GMDS: variants seen among roughly 807,000 people sequenced by gnomAD.
GMDS encodes GDP-mannose 4,6-dehydratase, also known as GDP-mannose 4,6 dehydratase.
In GMDS, 20 loss-of-function variants were observed where a neutral mutation model predicts 49.9. The observed-to-expected ratio is 0.40, with a 90% confidence interval of 0.28 to 0.58. The LOEUF (loss-of-function observed/expected upper bound fraction) is 0.58. Ranked by LOEUF, GMDS falls within the 20% of genes least tolerant of loss-of-function variation. The pLI is 0.42. For synonymous variants in GMDS, 177 were observed against 178.6 expected (o/e 0.99, Z 0.07); for missense variants, 362 against 481.4 (o/e 0.75, Z 2.32).
At chr6:1,875,851 C>A (rs755724166) in intron 7 of GMDS, among the ~76,000 whole-genome samples, 4 of 151,700 alleles carry the variant, frequency 2.6e-5, no homozygotes, top group Non-Finnish European at 5.9e-5. Context: ...CATGGAGAAA[C>A]CCCGTTTCTA....
chr6:2,198,831 T>C (rs575153321), intron 1 of GMDS, among the ~76,000 whole-genome samples: 1 of 152,314 alleles, frequency 6.6e-6, no homozygotes, highest in East Asian at 1.9e-4. Flanking sequence ...AGAAGAATTA[T>C]ACTAGTCTAT....
At chr6:1,827,124 G>A (rs1384292114) in intron 7 of GMDS, among the ~76,000 whole-genome samples, 1 of 142,696 alleles carries the variant, frequency 7.0e-6, no homozygotes, top group Non-Finnish European at 1.5e-5. Flanking sequence ...GTGTGTGTAT[G>A]TGTATCCAGG....
chr6:1,788,543 G>T (rs1769408294), intron 7 of GMDS, among the ~76,000 whole-genome samples: 1 of 152,142 alleles, frequency 6.6e-6, no homozygotes, highest in Non-Finnish European at 1.5e-5. Context: ...ACTAGCAATG[G>T]AAGGGGAACA....
intron 1 of GMDS, among the ~76,000 whole-genome samples, chr6:2,155,550 A>G (rs1777072346): frequency 6.6e-6 from 1 of 152,172 alleles, no homozygotes; most frequent in Admixed American, 6.5e-5. Context: ...ACAGATCAAC[A>G]TTTCAACCTA....
At chr6:2,140,859 T>A (rs1776248508) in intron 1 of GMDS, among the ~76,000 whole-genome samples, 1 of 152,192 alleles carries the variant, frequency 6.6e-6, no homozygotes, top group African/African-American at 2.4e-5. Context: ...AGTAGCAGAA[T>A]GCATTGCTTT....
chr6:1,863,624 C>T (rs1048167155), intron 7 of GMDS, among the ~76,000 whole-genome samples: 15 of 152,146 alleles, frequency 9.9e-5, no homozygotes, highest in Non-Finnish European at 4.4e-5. Context: ...GTCCCACAAG[C>T]TTCTTTTAAG....
At chr6:1,850,062 C>G (rs1408529886) in intron 7 of GMDS, among the ~76,000 whole-genome samples, 1 of 152,160 alleles carries the variant, frequency 6.6e-6, no homozygotes, top group Non-Finnish European at 1.5e-5. Context: ...ATATCAGAGA[C>G]ACCTTATTTT....
intron 1 of GMDS, among the ~76,000 whole-genome samples, chr6:2,164,653 A>G (rs1242558642): frequency 6.6e-6 from 1 of 152,114 alleles, no homozygotes; most frequent in Non-Finnish European, 1.5e-5. Context: ...TTCCTTCCCA[A>G]TCAATGCCTT....
At chr6:1,924,228 A>G (rs1761877855) in intron 7 of GMDS, among the ~76,000 whole-genome samples, 1 of 152,220 alleles carries the variant, frequency 6.6e-6, no homozygotes, top group South Asian at 2.1e-4. Context: ...TTTTGTTATG[A>G]TTCAGTCTGT....
At chr6:2,131,010 A>T (rs962259446) in intron 1 of GMDS, among the ~76,000 whole-genome samples, 5 of 152,238 alleles carry the variant, frequency 3.3e-5, no homozygotes, top group Non-Finnish European at 7.4e-5. Context: ...TGTTCTTGGA[A>T]GTATCAAGAA....
At chr6:1,871,122 A>G (rs754061792) in intron 7 of GMDS, among the ~76,000 whole-genome samples, 1 of 151,760 alleles carries the variant, frequency 6.6e-6, no homozygotes, top group Non-Finnish European at 1.5e-5. Context: ...AACATCCACA[A>G]GGAGAGTTAA....
At chr6:2,021,759 C>T (rs956256646) in intron 4 of GMDS, among the ~76,000 whole-genome samples, 8 of 152,144 alleles carry the variant, frequency 5.3e-5, no homozygotes, top group African/African-American at 1.9e-4. Flanking sequence ...TGACTCTCCA[C>T]CACACCACAC....
chr6:2,222,810 G>C (rs1469209685), intron 1 of GMDS, among the ~76,000 whole-genome samples: 1 of 152,106 alleles, frequency 6.6e-6, no homozygotes, highest in Non-Finnish European at 1.5e-5. Context: ...TGCTAACTAG[G>C]ATATGCCAAC....
chr6:2,070,156 A>C (rs549499139), intron 4 of GMDS, among the ~76,000 whole-genome samples: 1 of 151,516 alleles, frequency 6.6e-6, no homozygotes, highest in Non-Finnish European at 1.5e-5. Flanking sequence ...TTCTCAGTAA[A>C]CTATCGCAAG....
At chr6:2,028,926 G>A (rs975935722) in intron 4 of GMDS, among the ~76,000 whole-genome samples, 4 of 151,840 alleles carry the variant, frequency 2.6e-5, no homozygotes, top group African/African-American at 9.7e-5. Context: ...TGGGAGCAAA[G>A]CATACTTTAG....
At chr6:1,650,895 T>C (rs1270089194) in intron 9 of GMDS, among the ~76,000 whole-genome samples, 1 of 152,198 alleles carries the variant, frequency 6.6e-6, no homozygotes, top group Non-Finnish European at 1.5e-5. Context: ...TCTATTCTCA[T>C]CCTCTGACTC....
At chr6:2,093,794 A>G (rs1242554836) in intron 4 of GMDS, among the ~76,000 whole-genome samples, 1 of 152,152 alleles carries the variant, frequency 6.6e-6, no homozygotes, top group Non-Finnish European at 1.5e-5. Flanking sequence ...AAAAAAAGAA[A>G]AAAACATAGG....
At chr6:2,202,663 G>A (rs559220503) in intron 1 of GMDS, among the ~76,000 whole-genome samples, 1 of 152,060 alleles carries the variant, frequency 6.6e-6, no homozygotes, top group South Asian at 2.1e-4. Context: ...CCTATGTCCT[G>A]GCAAGGGAAG....
intron 1 of GMDS, among the ~76,000 whole-genome samples, chr6:2,127,132 A>G (rs1775494626): frequency 6.6e-6 from 1 of 152,192 alleles, no homozygotes; most frequent in Non-Finnish European, 1.5e-5. Flanking sequence ...ACCAATTCAG[A>G]CCATGACAAG....
Sources: gnomAD v4.1 joint callset for allele counts (sites outside exome capture counted in the v4.1 genomes callset) on GRCh38, gnomAD v4.1.1 for gene constraint, MANE v1.5 for transcripts, NCBI Gene and HGNC (gene_info 2026-07-23, HGNC 2026-07-21) for gene names.